The following KCNN3 variants were observed in gnomAD, a reference collection of about 807,000 sequenced individuals.
KCNN3 encodes potassium calcium-activated channel subfamily N member 3, also known as small conductance calcium-activated potassium channel protein 3.
KCNN3 carries 16 observed loss-of-function variants against 62.9 expected under a neutral mutation model. The ratio of observed to expected loss-of-function variants is 0.25; its 90% CI spans 0.17 to 0.39. The LOEUF (loss-of-function observed/expected upper bound fraction) is 0.39, where lower values mean the gene tolerates loss of function less well. Among genes scored for constraint, KCNN3 ranks in the 10% least tolerant of loss-of-function variants. KCNN3 has a pLI of 1.00. For missense variants in KCNN3, 599 were observed against 949.4 expected (o/e 0.63, Z 4.85); for synonymous variants, 370 against 389.2 (o/e 0.95, Z 0.58).
intron 2 of KCNN3, among the ~76,000 whole-genome samples, chr1:154,796,163 A>G (rs1649727715): frequency 6.6e-6 from 1 of 152,180 alleles, no homozygotes; most frequent in Admixed American, 6.5e-5. Flanking sequence ...ATCGAAAGGT[A>G]ATTTATGCCC....
chr1:154,749,411 G>C (rs1647246762), intron 3 of KCNN3, among the ~76,000 whole-genome samples: 1 of 152,222 alleles, frequency 6.6e-6, no homozygotes, highest in African/African-American at 2.4e-5. Context: ...GCCTCACCTA[G>C]GCAGGGTTAG....
At chr1:154,804,328 C>G (rs1332309230) in intron 2 of KCNN3, among the ~76,000 whole-genome samples, 2 of 152,244 alleles carry the variant, frequency 1.3e-5, no homozygotes, top group Non-Finnish European at 2.9e-5. Flanking sequence ...CACAGCTTCG[C>G]AAATGCGGAT....
At chr1:154,777,084 TA>T (rs1648821132) in intron 2 of KCNN3, among the ~76,000 whole-genome samples, 1 of 152,234 alleles carries the variant, frequency 6.6e-6, no homozygotes, top group Non-Finnish European at 1.5e-5. Context: ...AACTCCCACT[TA>T]CTGCGTGCCC....
intron 2 of KCNN3, among the ~76,000 whole-genome samples, chr1:154,778,906 C>A (rs1355231857): frequency 6.6e-6 from 1 of 152,158 alleles, no homozygotes; most frequent in African/African-American, 2.4e-5. Flanking sequence ...CTGGCCAGTA[C>A]AGCCTATTTC....
intron 3 of KCNN3, among the ~76,000 whole-genome samples, chr1:154,765,348 A>G (rs1001843194): frequency 1.3e-5 from 2 of 152,122 alleles, no homozygotes; most frequent in Non-Finnish European, 2.9e-5. Flanking sequence ...CCTGGATCCT[A>G]TAGCCTCCAG....
chr1:154,789,433 G>C (rs1000856547), intron 2 of KCNN3, among the ~76,000 whole-genome samples: 4 of 152,252 alleles, frequency 2.6e-5, no homozygotes, highest in Non-Finnish European at 2.9e-5. Context: ...TGGGGCAGGG[G>C]GGGGCATTAT....
intron 2 of KCNN3, among the ~76,000 whole-genome samples, chr1:154,815,146 TG>T (rs1231332067): frequency 2.6e-5 from 4 of 152,150 alleles, no homozygotes; most frequent in South Asian, 4.2e-4. Flanking sequence ...GAAGTCTGTC[TG>T]GGGGTCTCAA....
chr1:154,805,812 G>C (rs75366493), intron 2 of KCNN3, among the ~76,000 whole-genome samples: 1 of 152,210 alleles, frequency 6.6e-6, no homozygotes, highest in East Asian at 1.9e-4. Flanking sequence ...CAGAATAATG[G>C]CCCCCCAAAA....
intron 2 of KCNN3, among the ~76,000 whole-genome samples, chr1:154,795,239 A>C (rs780707790): frequency 2.0e-5 from 3 of 152,176 alleles, no homozygotes; most frequent in Non-Finnish European, 4.4e-5. Context: ...CTGGGATTAG[A>C]TTGCCTTTGC....
chr1:154,859,735 A>G, intron 1 of KCNN3: 1 of 1,614,152 alleles, frequency 6.2e-7, no homozygotes, highest in Non-Finnish European at 8.5e-7. Flanking sequence ...GCAAAACACC[A>G]AACAACTGTC....
rs190846846 is a variant in KCNN3, at chr1:154,856,011, C to T, written c.933+13021G>A. Among the ~76,000 whole-genome samples the T allele has an allele frequency of 1.0e-3, 157 of 152,320 alleles. 1 individual carries two copies. Among genetic ancestry groups the T allele is most frequent in the African/African-American group, 3.5e-3 (147 of 41,554 alleles). ...TGCCACCCATGCTCCCTCTCCCCGC[C>T]CTGAGGGAAGCTCCCCTGAGCCCAA... On this transcript the variant is annotated intron_variant, in intron 1 of 7. Coordinates refer to ENST00000271915, the MANE Select transcript of KCNN3 (RefSeq NM_002249.6).
chr1:154,711,041 C>T (rs1700062884), intron 7 of KCNN3, among the ~76,000 whole-genome samples: 1 of 152,244 alleles, frequency 6.6e-6, no homozygotes, highest in African/African-American at 2.4e-5. Flanking sequence ...GACACATGCA[C>T]ACGTATGTTT....
At chr1:154,757,363 C>T (rs1351206140) in intron 3 of KCNN3, among the ~76,000 whole-genome samples, 3 of 152,196 alleles carry the variant, frequency 2.0e-5, no homozygotes, top group Non-Finnish European at 2.9e-5. Context: ...CGTGGCTGAA[C>T]CACTCCTCTG....
chr1:154,714,217 C>T (rs1451393682), intron 6 of KCNN3, among the ~76,000 whole-genome samples: 6,364 of 74,514 alleles, frequency 0.085, no homozygotes, highest in Middle Eastern at 0.12. Flanking sequence ...ATGTGGTGTG[C>T]ATGGTGTGTG....
intron 4 of KCNN3, among the ~76,000 whole-genome samples, chr1:154,728,808 T>A (rs930577011): frequency 6.6e-6 from 1 of 151,462 alleles, no homozygotes; most frequent in Non-Finnish European, 1.5e-5. Context: ...TAAGAAAAAA[T>A]GATGGGCTGA....
chr1:154,742,290 A>G (rs540603148), intron 3 of KCNN3, among the ~76,000 whole-genome samples: 2 of 152,296 alleles, frequency 1.3e-5, no homozygotes, highest in African/African-American at 4.8e-5. Context: ...TGGCATCAGC[A>G]CCATCCACCT....
At chr1:154,844,344 A>G (rs1651956729) in intron 1 of KCNN3, among the ~76,000 whole-genome samples, 1 of 152,210 alleles carries the variant, frequency 6.6e-6, no homozygotes, top group South Asian at 2.1e-4. Context: ...TTAGACATGA[A>G]AACAGTCTCT....
intron 3 of KCNN3, among the ~76,000 whole-genome samples, chr1:154,744,998 A>G (rs1557953580): frequency 6.6e-6 from 1 of 152,214 alleles, no homozygotes; most frequent in Non-Finnish European, 1.5e-5. Context: ...AATGTAAAAT[A>G]AATGGCTTTG....
intron 2 of KCNN3, among the ~76,000 whole-genome samples, chr1:154,819,425 T>C (rs1290948108): frequency 6.6e-6 from 1 of 152,162 alleles, no homozygotes; most frequent in African/African-American, 2.4e-5. Flanking sequence ...TCAGACACTA[T>C]AAGTCTCTGG....
Sources: gnomAD v4.1 joint callset for allele counts (sites outside exome capture counted in the v4.1 genomes callset) on GRCh38, gnomAD v4.1.1 for gene constraint, MANE v1.5 for transcripts, NCBI Gene and HGNC (gene_info 2026-07-23, HGNC 2026-07-21) for gene names.